The following REEP1 variants were observed in gnomAD, a reference collection of about 807,000 sequenced individuals.
REEP1 encodes receptor expression-enhancing protein 1.
REEP1 carries 22 observed loss-of-function variants against 40.3 expected under a neutral mutation model. The observed-to-expected ratio is 0.55, with a 90% confidence interval of 0.39 to 0.78. The LOEUF (loss-of-function observed/expected upper bound fraction) is 0.78. Among genes scored for constraint, REEP1 ranks in the 30% least tolerant of loss-of-function variants. REEP1 has a pLI of 0.00. For synonymous variants in REEP1, 116 were observed against 139.2 expected, an observed-to-expected ratio of 0.83 and a Z score of 1.17; for missense variants, 280 against 361.1, an observed-to-expected ratio of 0.78 and a Z score of 1.82.
At chr2:86,226,317 AAAGCAGGAACAGGG>A (rs1348588048) in intron 7 of REEP1, among the ~76,000 whole-genome samples, 47 of 152,104 alleles carry the variant, frequency 3.1e-4, no homozygotes, top group Non-Finnish European at 6.0e-4. Context: ...AGTAAGTGGC[AAAGCAGGAACAGGG>A]CTCCCTTGGC....
intron 2 of REEP1, among the ~76,000 whole-genome samples, chr2:86,277,654 T>C (rs1447591672): frequency 6.6e-6 from 1 of 151,236 alleles, no homozygotes; most frequent in Non-Finnish European, 1.5e-5. Flanking sequence ...TTGGGCCCCA[T>C]CACAGGATGA....
At chr2:86,322,994 A>G (rs1680341428) in intron 1 of REEP1, among the ~76,000 whole-genome samples, 1 of 152,162 alleles carries the variant, frequency 6.6e-6, no homozygotes, top group Admixed American at 6.5e-5. Context: ...CAAGACTAGC[A>G]TGGGCAAAAT....
At position 86,229,423 on chromosome 2, in the gene REEP1, G is replaced by A. The variant is rs544651681; in HGVS notation, c.596-2025C>T. Among the ~76,000 whole-genome samples, 4 of 152,162 alleles carry A rather than the reference G, an allele frequency of 2.6e-5. No individual in the cohort carries two copies. In the East Asian group the frequency reaches 7.7e-4, roughly 29 times the overall value. On this transcript the variant is annotated intron_variant, in intron 6 of 8. Transcript: ENST00000538924. ...TACCTGATCTGGCCTGGCATCTGAG[G>A]CCCACACTGGGGGCTGAGCTGGGGA...
intron 1 of REEP1, among the ~76,000 whole-genome samples, chr2:86,310,772 G>A (rs1679726757): frequency 2.0e-5 from 3 of 152,066 alleles, no homozygotes; most frequent in African/African-American, 7.2e-5. Flanking sequence ...AATGTACGGT[G>A]TATAGAGGAT....
intron 3 of REEP1, among the ~76,000 whole-genome samples, chr2:86,257,008 C>G (rs895982606): frequency 2.0e-5 from 3 of 152,216 alleles, no homozygotes; most frequent in African/African-American, 4.8e-5. Context: ...TCCTGGCCCC[C>G]TGCCTTCTGC....
intron 5 of REEP1, among the ~76,000 whole-genome samples, chr2:86,235,376 G>C (rs563591149): frequency 6.6e-6 from 1 of 152,150 alleles, no homozygotes; most frequent in Admixed American, 6.5e-5. Context: ...ATGGCCGGCT[G>C]CTCGTGCGGA....
intron 1 of REEP1, among the ~76,000 whole-genome samples, chr2:86,327,623 A>G (rs1177883990): frequency 6.7e-6 from 1 of 150,030 alleles, no homozygotes; most frequent in Admixed American, 6.7e-5. Flanking sequence ...GCTGGAGTAC[A>G]GTGGCGTGAT....
chr2:86,237,223 G>A (rs1675409973), intron 5 of REEP1, among the ~76,000 whole-genome samples: 2 of 152,274 alleles, frequency 1.3e-5, no homozygotes, highest in African/African-American at 4.8e-5. Context: ...GTTTGAGAAA[G>A]GAATATGAAT....
At chr2:86,269,182 T>C (rs935574751) in intron 2 of REEP1, among the ~76,000 whole-genome samples, 2 of 152,210 alleles carry the variant, frequency 1.3e-5, no homozygotes, top group African/African-American at 4.8e-5. Flanking sequence ...ATCCCTTCTG[T>C]CTATAAAGCC....
chr2:86,223,277 T>TGTGGGGAA (rs1367013002), intron 7 of REEP1, among the ~76,000 whole-genome samples: 1 of 152,178 alleles, frequency 6.6e-6, no homozygotes, highest in Non-Finnish European at 1.5e-5. Context: ...CTCTTCTCTC[T>TGTGGGGAA]GTGGGGAAGG....
chr2:86,257,823 A>AGACGGGGGTTTCACC (rs1419743602), intron 3 of REEP1, among the ~76,000 whole-genome samples: 2 of 152,078 alleles, frequency 1.3e-5, no homozygotes, highest in Non-Finnish European at 2.9e-5. Context: ...TTTTTAGTAG[A>AGACGGGGGTTTCACC]GACGGGGGTT....
Position 86,293,674 on chromosome 2 carries a change from C to T in REEP1, c.33-11432G>A, listed in dbSNP as rs144502650. 2.3e-3 allele frequency among the ~76,000 whole-genome samples: 354 copies of T among 152,278 alleles called. 3 individuals are homozygous for T. Among genetic ancestry groups the T allele is most frequent in the African/African-American group, 8.2e-3 (342 of 41,558 alleles). On this transcript the variant is annotated intron_variant, in intron 1 of 8. Transcript: ENST00000538924. ...AGGAAAGTTCAGGTTTTTCCAGCCC[C>T]CTCACTCAGCTGTACTGAGGCTGCA... is the stretch of plus-strand genomic sequence containing the variant.
chr2:86,231,178 T>G (rs1308574428), intron 6 of REEP1, among the ~76,000 whole-genome samples: 3 of 152,202 alleles, frequency 2.0e-5, no homozygotes, highest in East Asian at 3.9e-4. Context: ...TCACTGGGTT[T>G]GACTGAAAGA....
chr2:86,288,032 A>ATTATTTTTTTTTTTTTTTTTTTT (rs1558916454), intron 1 of REEP1, among the ~76,000 whole-genome samples: 2 of 149,752 alleles, frequency 1.3e-5, no homozygotes, highest in African/African-American at 5.1e-5. Flanking sequence ...TATTTTTATT[A>ATTATTTTTTTTTTTTTTTTTTTT]TTTTTTTGAG....
intron 1 of REEP1, among the ~76,000 whole-genome samples, chr2:86,308,597 G>C (rs1679614978): frequency 6.6e-6 from 1 of 152,148 alleles, no homozygotes; most frequent in African/African-American, 2.4e-5. Context: ...AACCGCCCTG[G>C]GTCTGCTTCC....
chr2:86,242,855 G>A (rs113016041), intron 5 of REEP1, among the ~76,000 whole-genome samples: 130 of 152,272 alleles, frequency 8.5e-4, no homozygotes, highest in Middle Eastern at 3.4e-3. Context: ...GAGAAGGGAT[G>A]TCAAATGGTT....
chr2:86,312,506 G>C (rs1274977960), intron 1 of REEP1, among the ~76,000 whole-genome samples: 2 of 152,160 alleles, frequency 1.3e-5, no homozygotes, highest in Non-Finnish European at 2.9e-5. Context: ...TGTAAAATCA[G>C]ACAGATTTGA....
intron 1 of REEP1, among the ~76,000 whole-genome samples, chr2:86,300,016 A>C (rs559917994): frequency 5.9e-5 from 9 of 152,214 alleles, no homozygotes; most frequent in African/African-American, 2.2e-4. Context: ...CCAGACTGAC[A>C]TGGCCAGGGG....
intron 8 of REEP1, among the ~76,000 whole-genome samples, 157 bp downstream of exon 8, chr2:86,219,813 G>A (rs1674323521): frequency 6.6e-6 from 1 of 152,102 alleles, no homozygotes; most frequent in Non-Finnish European, 1.5e-5. Context: ...ATGCTATCCA[G>A]TGACTGGTTC....
Sources: gnomAD v4.1 joint callset for allele counts (sites outside exome capture counted in the v4.1 genomes callset) on GRCh38, gnomAD v4.1.1 for gene constraint, MANE v1.5 for transcripts, NCBI Gene and HGNC (gene_info 2026-07-23, HGNC 2026-07-21) for gene names.